MDGA2: variants seen among roughly 807,000 people sequenced by gnomAD.
The protein encoded by MDGA2 is MAM domain containing glycosylphosphatidylinositol anchor 2.
MDGA2 carries 40 observed loss-of-function variants against 117.8 expected under a neutral mutation model. The ratio of observed to expected loss-of-function variants is 0.34; its 90% CI spans 0.26 to 0.44. MDGA2 has a LOEUF of 0.44. MDGA2 is among the 20% of genes least tolerant of loss of function. The probability of loss-of-function intolerance (pLI) is 1.00; values close to 1 mark genes in which losing one functional copy is unlikely to be tolerated. For synonymous variants in MDGA2, 452 were observed against 439.0 expected (o/e 1.03, Z -0.37); for missense variants, 1,123 against 1,250.6 (o/e 0.90, Z 1.54).
intron 1 of MDGA2, among the ~76,000 whole-genome samples, chr14:47,664,859 C>G (rs973652314): frequency 6.6e-6 from 1 of 152,208 alleles, no homozygotes; most frequent in Non-Finnish European, 1.5e-5. Flanking sequence ...AGTTGCCCCC[C>G]ACAGGAACTT....
At chr14:47,508,352 A>ACACTCTCT (rs149881110) in intron 1 of MDGA2, among the ~76,000 whole-genome samples, 1 of 132,762 alleles carries the variant, frequency 7.5e-6, no homozygotes, top group African/African-American at 2.9e-5. Flanking sequence ...TTGCTGATTG[A>ACACTCTCT]CTCTCTCTCT....
rs1555336908 is a variant in MDGA2, at chr14:47,619,116, TACACAC to T, written c.280+55395_280+55400del. 2.2e-4 allele frequency among the ~76,000 whole-genome samples: 20 copies of T among 90,800 alleles called. 1 individual carries two copies. Among genetic ancestry groups the T allele is most frequent in the African/African-American group, 4.3e-4 (11 of 25,422 alleles). 59.6% of individuals were successfully genotyped at this position (90,800 alleles called of 152,430 possible). A position where few individuals can be genotyped will look rare whatever the true frequency, so the allele number is the denominator to read the frequency against. ...TAGCATCTCTGAGCCTCAGTTTAAT[TACACAC>T]ACACACACACACACACACACACACA... On this transcript the variant is annotated intron_variant, in intron 1 of 16. Coordinates refer to ENST00000399232, the MANE Select transcript of MDGA2 (RefSeq NM_001113498.3).
At chr14:47,308,089 G>A (rs2139833107) in intron 1 of MDGA2, among the ~76,000 whole-genome samples, 1 of 152,184 alleles carries the variant, frequency 6.6e-6, no homozygotes. Flanking sequence ...ACAGACAAAA[G>A]GTCATTGCCT....
chr14:47,650,250 G>A (rs1033956225), intron 1 of MDGA2, among the ~76,000 whole-genome samples: 5 of 152,090 alleles, frequency 3.3e-5, no homozygotes, highest in South Asian at 2.1e-4. Context: ...CTGGAACTAC[G>A]TCCTCAGCTC....
chr14:47,280,412 T>A (rs1408633367), intron 2 of MDGA2, among the ~76,000 whole-genome samples: 1 of 149,718 alleles, frequency 6.7e-6, no homozygotes, highest in Non-Finnish European at 1.5e-5. Flanking sequence ...TTGTGTACAA[T>A]TCATTAAATA....
chr14:47,510,494 A>ACCT (rs1894616551), intron 1 of MDGA2, among the ~76,000 whole-genome samples: 1 of 152,178 alleles, frequency 6.6e-6, no homozygotes, highest in South Asian at 2.1e-4. Context: ...GCCTTTGGAT[A>ACCT]TTAGCTTGAG....
intron 3 of MDGA2, among the ~76,000 whole-genome samples, chr14:47,216,187 T>C (rs1250157428): frequency 6.6e-6 from 1 of 152,090 alleles, no homozygotes; most frequent in Non-Finnish European, 1.5e-5. Flanking sequence ...AAGAGAAAAA[T>C]ATTTTTTAAG....
chr14:47,336,490 T>C (rs115974979), intron 1 of MDGA2, among the ~76,000 whole-genome samples: 184 of 152,076 alleles, frequency 1.2e-3, no homozygotes, highest in African/African-American at 4.3e-3. Flanking sequence ...TTGGCATTAT[T>C]TTTCTTATTT....
Position 47,013,387 on chromosome 14 carries a change from G to A in MDGA2, c.1819+21624C>T, listed in dbSNP as rs191204184. ...ACTGAAGTTCTTTCGTGAGATTGCAGCAATTCAGTCACATCCTCGGGCTCT... is the reference window on the plus strand; with the variant it reads ...ACTGAAGTTCTTTCGTGAGATTGCAACAATTCAGTCACATCCTCGGGCTCT... On this transcript the variant is annotated intron_variant, in intron 8 of 16. Coordinates refer to ENST00000399232, the MANE Select transcript of MDGA2 (RefSeq NM_001113498.3). Among the ~76,000 whole-genome samples the A allele has an allele frequency of 4.6e-3, 694 of 152,224 alleles. 4 individuals are homozygous for A. Among genetic ancestry groups the A allele is most frequent in the African/African-American group, 0.016 (667 of 41,558 alleles).
intron 10 of MDGA2, among the ~76,000 whole-genome samples, chr14:46,914,561 G>A (rs1477646104): frequency 2.0e-5 from 3 of 151,900 alleles, no homozygotes; most frequent in East Asian, 1.9e-4. Flanking sequence ...TTAACCAAAA[G>A]GGAATGCTGG....
intron 1 of MDGA2, among the ~76,000 whole-genome samples, chr14:47,631,671 T>C (rs1897250359): frequency 1.3e-5 from 2 of 152,322 alleles, no homozygotes; most frequent in Admixed American, 1.3e-4. Context: ...TCTTAATATT[T>C]TCCTTTCCCA....
Position 47,293,678 on chromosome 14 carries a change from T to C in MDGA2, c.420+7733A>G, listed in dbSNP as rs929914232. Among the ~76,000 whole-genome samples the C allele has an allele frequency of 3.9e-5, 6 of 152,328 alleles. No individual in the cohort carries two copies. The East Asian group carries it at 1.2e-3, about 29-fold the overall frequency. On this transcript the variant is annotated intron_variant, in intron 2 of 16. Coordinates refer to ENST00000399232, the MANE Select transcript of MDGA2 (RefSeq NM_001113498.3). ...ACTCTGTTAAATGATCTAATATTTTTTGAGATAGTATCTGGAATGAATGAG... is the reference window on the plus strand; with the variant it reads ...ACTCTGTTAAATGATCTAATATTTTCTGAGATAGTATCTGGAATGAATGAG...
rs573227806 is a variant in MDGA2 at position 47,002,389 on chromosome 14, A to C, written c.1819+32622T>G. Among the ~76,000 whole-genome samples, 32 of 152,202 alleles carry C rather than the reference A, an allele frequency of 2.1e-4. 1 individual carries two copies. In the South Asian group the frequency reaches 6.4e-3, roughly 31 times the overall value. The stretch of plus-strand genomic sequence containing the variant: ...GACAAAATATCTGTTGTGGGAAATA[A>C]ATATTCCTGATGGATTAAGAAATTC... On this transcript the variant is annotated intron_variant, in intron 8 of 16. Transcript: ENST00000399232.
intron 13 of MDGA2, 35 bp downstream of exon 13, chr14:46,874,010 G>C: frequency 1.3e-6 from 2 of 1,489,114 alleles, no homozygotes; most frequent in South Asian, 1.4e-5. Context: ...AAAAGTCTCT[G>C]ATTGCTATGA....
At chr14:47,222,219 G>A (rs1028697699) in intron 2 of MDGA2, among the ~76,000 whole-genome samples, 1 of 151,944 alleles carries the variant, frequency 6.6e-6, no homozygotes, top group Admixed American at 6.6e-5. Flanking sequence ...GCCAAGATGG[G>A]AAAAGAAGGC....
chr14:47,311,410 C>A (rs1889630144), intron 1 of MDGA2, among the ~76,000 whole-genome samples: 1 of 152,082 alleles, frequency 6.6e-6, no homozygotes, highest in Non-Finnish European at 1.5e-5. Context: ...ATCTGGCCTG[C>A]CAATGTCCCC....
chr14:47,020,065 C>T (rs1462529118), intron 8 of MDGA2, among the ~76,000 whole-genome samples: 1 of 152,114 alleles, frequency 6.6e-6, no homozygotes, highest in Non-Finnish European at 1.5e-5. Flanking sequence ...TACAGGTCCC[C>T]ACTCAAAACT....
chr14:47,216,220 G>A (rs17118174), intron 3 of MDGA2, among the ~76,000 whole-genome samples: 9,665 of 152,078 alleles, frequency 0.064, 357 homozygotes, highest in Non-Finnish European at 0.065. Context: ...TGAATTTCCC[G>A]CTTTATATTT....
intron 1 of MDGA2, among the ~76,000 whole-genome samples, chr14:47,543,047 A>G (rs1012363603): frequency 2.6e-5 from 4 of 152,012 alleles, no homozygotes; most frequent in Non-Finnish European, 4.4e-5. Flanking sequence ...CTGTCTTTAC[A>G]AAAAAATAGA....
Sources: allele counts gnomAD v4.1 joint callset (sites outside exome capture counted in the v4.1 genomes callset), GRCh38; gene constraint gnomAD v4.1.1; transcripts MANE v1.5; gene names NCBI Gene and HGNC (gene_info 2026-07-23, HGNC 2026-07-21).